Variants in NAP1L4 observed in about 807,000 individuals in gnomAD.
NAP1L4 encodes the protein nucleosome assembly protein 1-like 4.
NAP1L4 carries 15 observed loss-of-function variants against 58.2 expected under a neutral mutation model. That is an observed-to-expected ratio of 0.26 (90% CI 0.17 to 0.40). NAP1L4 has a LOEUF of 0.40. Ranked by LOEUF, NAP1L4 falls within the 10% of genes least tolerant of loss-of-function variation. The pLI is 1.00. For synonymous variants in NAP1L4, 171 were observed against 155.6 expected, an observed-to-expected ratio of 1.10 and a Z score of -0.74; for missense variants, 384 against 451.1, an observed-to-expected ratio of 0.85 and a Z score of 1.35.
intron 1 of NAP1L4, among the ~76,000 whole-genome samples, chr11:2,986,384 A>AAG (rs1204994996): frequency 1.4e-5 from 1 of 73,314 alleles, no homozygotes; most frequent in African/African-American, 4.0e-5. Flanking sequence ...AAAAAAAAAA[A>AAG]AAAGAAAAAG....
At position 2,959,960 on chromosome 11, in the gene NAP1L4, G is replaced by A; in HGVS notation, c.607-51C>T. The A allele has an allele frequency of 5.0e-6, 8 of 1,586,866 alleles. No homozygotes were observed. The highest frequency in any genetic ancestry group is 6.0e-6 in the Non-Finnish European group (7 of 1,161,266). On this transcript the variant is annotated intron_variant, in intron 8 of 15. Coordinates refer to ENST00000380542, the MANE Select transcript of NAP1L4 (RefSeq NM_005969.4). This position sits in a 1 kb window ranked among gnomAD's most constrained non-coding sequence, Gnocchi z 4.9. ...ACCAGTTAAAATAGAAAAATAACGA[G>A]GACAGATTGCTTGGAGTACACAACA...
At chr11:2,991,625 A>G (rs1021039200) in intron 1 of NAP1L4, among the ~76,000 whole-genome samples, 2 of 152,200 alleles carry the variant, frequency 1.3e-5, no homozygotes, top group African/African-American at 4.8e-5. Context: ...ACAGCTAAGA[A>G]GCAACGCCAA....
In NAP1L4 at chr11:2,946,018, A is replaced by G. The variant is rs559017830; in HGVS notation, c.*33-372T>C. ...GCGCTCAACACGGGCAGCTCCATCC[A>G]GGAAGGCCACCGCGGAGGCAACCCC... On this transcript the variant is annotated intron_variant, in intron 15 of 15. Coordinates refer to ENST00000380542, the MANE Select transcript of NAP1L4 (RefSeq NM_005969.4). The surrounding 1 kb of genome is among the most constrained non-coding windows in gnomAD (Gnocchi z 4.8). Among the ~76,000 whole-genome samples, 502 of 152,280 alleles carry G rather than the reference A, an allele frequency of 3.3e-3. 3 individuals are homozygous for G. Among genetic ancestry groups the G allele is most frequent in the African/African-American group, 0.012 (479 of 41,562 alleles).
chr11:2,964,682 T>A lies in NAP1L4; in HGVS notation c.604A>T (p.Met202Leu). 6.2e-7 allele frequency: 1 copy of A among 1,613,392 alleles called. No individual in the cohort carries two copies. The highest frequency in any genetic ancestry group is 8.5e-7 in the Non-Finnish European group (1 of 1,179,402). The change falls in exon 8 of 16, where the codon ATG (methionine) becomes TTG (leucine). Residue 202 changes from methionine to leucine, a missense_variant and splice_region_variant. This residue lies in a region of NAP1L4 where 296 missense variants were observed against 360.8 expected (regional missense o/e 0.82). Transcript: ENST00000380542. ...KVKFSDPGQPMSFVLEFHFEP... is the reference protein window; with the variant it reads ...KVKFSDPGQPLSFVLEFHFEP... ...CAGAAGGTCAAGTCAGTACTCACCA[T>A]AGGCTGTCCAGGGTCAGAAAATTTC...
intron 4 of NAP1L4, among the ~76,000 whole-genome samples, chr11:2,974,741 C>CAAAA (rs988295074): frequency 1.3e-5 from 2 of 152,068 alleles, no homozygotes; most frequent in African/African-American, 4.8e-5. Context: ...ACTAAAAATA[C>CAAAA]AAAAACAAAA....
intron 7 of NAP1L4, among the ~76,000 whole-genome samples, chr11:2,968,179 T>C (rs975597676): frequency 6.6e-6 from 1 of 152,194 alleles, no homozygotes; most frequent in African/African-American, 2.4e-5. Context: ...AGAGCTAGTC[T>C]TTCCACCTGC....
chr11:2,957,675 A>C (rs1218705206), intron 10 of NAP1L4, among the ~76,000 whole-genome samples: 1 of 152,186 alleles, frequency 6.6e-6, no homozygotes, highest in Non-Finnish European at 1.5e-5. Flanking sequence ...TTACTCTTAA[A>C]ATCAATTGGT....
In NAP1L4 at chr11:2,946,312, G is replaced by A. The variant is rs1327940583; in HGVS notation, c.*33-666C>T. ...GGGCAATGCTATCCTTCCAGTAACGGCATCCGGGACACAAAATTCCCCTCC... is the reference window on the plus strand; with the variant it reads ...GGGCAATGCTATCCTTCCAGTAACGACATCCGGGACACAAAATTCCCCTCC... On this transcript the variant is annotated intron_variant, in intron 15 of 15. Coordinates refer to ENST00000380542, the MANE Select transcript of NAP1L4 (RefSeq NM_005969.4). This position sits in a 1 kb window ranked among gnomAD's most constrained non-coding sequence, Gnocchi z 4.8. Among the ~76,000 whole-genome samples the A allele has an allele frequency of 6.6e-6, 1 of 152,044 alleles. No homozygotes were observed. The highest frequency in any genetic ancestry group is 1.5e-5 in the Non-Finnish European group (1 of 68,010).
rs969763484 is a variant in NAP1L4 at position 2,959,980 on chromosome 11, A to G, written c.607-71T>C. 3 of 1,484,172 alleles carry G rather than the reference A, an allele frequency of 2.0e-6. No individual in the cohort carries two copies. Among genetic ancestry groups the G allele is most frequent in the Admixed American group, 1.9e-5 (1 of 52,892 alleles). The allele number at this position is 1,484,172 out of a possible 1,614,324, so 91.9% of individuals were successfully genotyped here. A position where few individuals can be genotyped will look rare whatever the true frequency, so the allele number is the denominator to read the frequency against. ...AACGAGGACAGATTGCTTGGAGTACACAACACTTACTAGAAGCTATTTTGG... is the reference window on the plus strand; with the variant it reads ...AACGAGGACAGATTGCTTGGAGTACGCAACACTTACTAGAAGCTATTTTGG... On this transcript the variant is annotated intron_variant, in intron 8 of 15. Coordinates refer to ENST00000380542, the MANE Select transcript of NAP1L4 (RefSeq NM_005969.4). This position sits in a 1 kb window ranked among gnomAD's most constrained non-coding sequence, Gnocchi z 4.9.
Position 2,944,611 on chromosome 11 carries a change from C to A in NAP1L4, c.*1068G>T, listed in dbSNP as rs1845842732. The A allele has an allele frequency of 2.0e-5, 3 of 151,494 alleles. No individual in the cohort carries two copies. The highest frequency in any genetic ancestry group is 4.4e-5 in the Non-Finnish European group (3 of 68,102). 9.4% of individuals were successfully genotyped at this position (151,494 alleles called of 1,614,324 possible). A position where few individuals can be genotyped will look rare whatever the true frequency, so the allele number is the denominator to read the frequency against. On this transcript the variant is annotated 3_prime_UTR_variant, in exon 16 of 16. Coordinates refer to ENST00000380542, the MANE Select transcript of NAP1L4 (RefSeq NM_005969.4). ...CGCCGTCACCCACTTGAAAACCCCA[C>A]CCACCAGCCGCCAAGCGGTCACACC... is the stretch of plus-strand genomic sequence containing the variant.
intron 1 of NAP1L4, chr11:2,990,650 A>G (rs2134039156): frequency 6.5e-6 from 1 of 153,290 alleles, no homozygotes; most frequent in African/African-American, 2.4e-5. Context: ...CTACAGAAGC[A>G]GTAACCCTGG....
At chr11:2,986,413 G>A (rs1848627316) in intron 1 of NAP1L4, among the ~76,000 whole-genome samples, 1 of 151,432 alleles carries the variant, frequency 6.6e-6, no homozygotes, top group East Asian at 1.9e-4. Context: ...AAAAAATTGG[G>A]CCACGTTTGA....
chr11:2,979,021 G>C (rs1848141568), intron 2 of NAP1L4, among the ~76,000 whole-genome samples, 186 bp downstream of exon 2: 1 of 152,212 alleles, frequency 6.6e-6, no homozygotes, highest in Non-Finnish European at 1.5e-5. Flanking sequence ...TAGTGTCAAT[G>C]TCTGAGGCAC....
chr11:2,957,355 T>A lies in NAP1L4; in HGVS notation c.892+1044A>T, dbSNP rs368600059. ...TGCATCTTCTAGGTTCAAAGTCTAA[T>A]TGCAGAAAATAGGCACCACAATTAA... On this transcript the variant is annotated intron_variant, in intron 10 of 15. Transcript: ENST00000380542. Among the ~76,000 whole-genome samples the A allele has an allele frequency of 3.7e-4, 56 of 152,334 alleles. 1 individual carries two copies. The East Asian group carries it at 6.6e-3, about 18-fold the overall frequency.
At chr11:2,991,915 C>A (rs1249938554) in intron 1 of NAP1L4, 1 of 152,150 alleles carries the variant, frequency 6.6e-6, no homozygotes, top group Non-Finnish European at 1.5e-5. Flanking sequence ...GCCGTCTTCG[C>A]CTCCTCCAAG....
At chr11:2,956,169 G>C (rs1846529671) in intron 10 of NAP1L4, among the ~76,000 whole-genome samples, 1 of 152,244 alleles carries the variant, frequency 6.6e-6, no homozygotes, top group Non-Finnish European at 1.5e-5. Context: ...GCAGGAAAGA[G>C]AAAGTCCTTA....
At chr11:2,979,593 T>A (rs1848181808) in intron 1 of NAP1L4, among the ~76,000 whole-genome samples, 2 of 151,976 alleles carry the variant, frequency 1.3e-5, no homozygotes, top group South Asian at 4.2e-4. Flanking sequence ...ACCAACATGG[T>A]GAAACCCCAT....
chr11:2,950,961 T>C (rs1689629316), intron 14 of NAP1L4: 1 of 329,624 alleles, frequency 3.0e-6, no homozygotes, highest in Non-Finnish European at 5.5e-6. Flanking sequence ...GTTAAATCAT[T>C]ACCTTACCTT....
chr11:2,951,399 A>C lies in NAP1L4; in HGVS notation c.1066-84T>G. Reference sequence around the variant, plus strand: ...ACAATCCACAAACACAAGGAGCAAAACACTGCCTTAGATGGAAATCAATTA... The same window carrying C: ...ACAATCCACAAACACAAGGAGCAAACCACTGCCTTAGATGGAAATCAATTA... On this transcript the variant is annotated intron_variant, in intron 13 of 15. Transcript: ENST00000380542. This position sits in a 1 kb window ranked among gnomAD's most constrained non-coding sequence, Gnocchi z 4.0. 6.1e-6 allele frequency: 7 copies of C among 1,155,380 alleles called. No homozygotes were observed. The highest frequency in any genetic ancestry group is 6.5e-6 in the Non-Finnish European group (5 of 765,854). 71.6% of individuals were successfully genotyped at this position (1,155,380 alleles called of 1,614,324 possible).
Sources: gnomAD v4.1 joint callset for allele counts (sites outside exome capture counted in the v4.1 genomes callset) on GRCh38, gnomAD v4.1.1 for gene constraint, gnomAD v4.1.1 regional missense constraint, Gnocchi (gnomAD v3.1) non-coding constraint, MANE v1.5 for transcripts, NCBI Gene and HGNC (gene_info 2026-07-23, HGNC 2026-07-21) for gene names.